Variants in ZNF143 observed in about 807,000 individuals in gnomAD.
The protein encoded by ZNF143 is zinc finger protein 143.
In ZNF143, 49 loss-of-function variants were observed where a neutral mutation model predicts 74.1. The ratio of observed to expected loss-of-function variants is 0.66; its 90% CI spans 0.53 to 0.84. The LOEUF (loss-of-function observed/expected upper bound fraction) is 0.84. Ranked by LOEUF, ZNF143 falls within the 40% of genes least tolerant of loss-of-function variation. The pLI is 0.00. For synonymous variants in ZNF143, 304 were observed against 282.8 expected (o/e 1.07, Z -0.75); for missense variants, 637 against 793.4 (o/e 0.80, Z 2.37).
intron 7 of ZNF143, among the ~76,000 whole-genome samples, chr11:9,486,452 T>TATATAATTATATATATATA (rs1565039609): frequency 5.9e-5 from 4 of 67,972 alleles, no homozygotes; most frequent in Admixed American, 2.6e-4. Context: ...ATATTATATA[T>TATATAATTATATATATATA]ATTATATATA....
intron 7 of ZNF143, among the ~76,000 whole-genome samples, chr11:9,488,319 A>G (rs1847639882): frequency 6.6e-6 from 1 of 152,218 alleles, no homozygotes; most frequent in Non-Finnish European, 1.5e-5. Flanking sequence ...CTTACTTAAA[A>G]TATTTTAATA....
chr11:9,470,333 A>G (rs1352062538), intron 1 of ZNF143, among the ~76,000 whole-genome samples: 1 of 152,260 alleles, frequency 6.6e-6, no homozygotes, highest in Non-Finnish European at 1.5e-5. Flanking sequence ...GGGGAAATAG[A>G]TAAACTAAAT....
intron 9 of ZNF143, among the ~76,000 whole-genome samples, chr11:9,496,858 A>G (rs1286360446): frequency 6.6e-6 from 1 of 151,852 alleles, no homozygotes; most frequent in Admixed American, 6.6e-5. Flanking sequence ...TCGGCCTCCC[A>G]AAATGCTGGG....
chr11:9,516,350 A>G lies in ZNF143; in HGVS notation c.1674A>G (p.Thr558=), dbSNP rs1445853410. 2 of 1,612,506 alleles carry G rather than the reference A, an allele frequency of 1.2e-6. No homozygotes were observed. Among genetic ancestry groups the G allele is most frequent in the Non-Finnish European group, 1.7e-6 (2 of 1,179,162 alleles). The change falls in exon 14 of 16, where the codon ACA becomes ACG. Residue 558 remains threonine, a synonymous_variant. Coordinates refer to ENST00000396602, the MANE Select transcript of ZNF143 (RefSeq NM_003442.6). ...HSVAMVTAEG[T]EGEQVAIVAQ... ...TTGCTATGGTTACTGCTGAGGGTAC[A>G]GAAGGGGAACAGGTAATTACTTTTT...
intron 15 of ZNF143, among the ~76,000 whole-genome samples, chr11:9,526,931 T>C (rs1849150484): frequency 6.6e-6 from 1 of 152,002 alleles, no homozygotes; most frequent in South Asian, 2.1e-4. Flanking sequence ...TTCATGCCAT[T>C]CTCCTCCCTC....
At chr11:9,478,653 AAAAC>A in intron 6 of ZNF143, 67 bp downstream of exon 6, 1 of 1,546,816 alleles carries the variant, frequency 6.5e-7, no homozygotes, top group Non-Finnish European at 8.8e-7. Context: ...AAAAGAAAAG[AAAAC>A]AAAAAAGTAC....
intron 5 of ZNF143, among the ~76,000 whole-genome samples, chr11:9,476,573 T>G (rs1437803830): frequency 6.6e-6 from 1 of 151,560 alleles, no homozygotes; most frequent in Non-Finnish European, 1.5e-5. Flanking sequence ...GGTTTCACCA[T>G]GTTGGTCAGG....
chr11:9,482,788 G>A (rs1294348785), intron 7 of ZNF143, among the ~76,000 whole-genome samples: 1 of 150,988 alleles, frequency 6.6e-6, no homozygotes, highest in Non-Finnish European at 1.5e-5. Context: ...AATATGACTA[G>A]TCCAAATTGA....
rs781049072 is a variant in ZNF143, at chr11:9,525,266, A to G, written c.1713A>G (p.Ala571=). 24 of 1,614,100 alleles carry G rather than the reference A, an allele frequency of 1.5e-5. No individual in the cohort carries two copies. Among genetic ancestry groups the G allele is most frequent in the Non-Finnish European group, 1.9e-5 (23 of 1,180,054 alleles). ...TTGCAATTGTAGCTCAAGACTTGGCAGCATTCCATACTGCCTCATCAGAAA... is the reference window on the plus strand; with the variant it reads ...TTGCAATTGTAGCTCAAGACTTGGCGGCATTCCATACTGCCTCATCAGAAA... The part of the protein sequence containing the change: ...EQVAIVAQDL[A]AFHTASSEMG... Residue 571 remains alanine (A), a synonymous_variant, in exon 15 of 16, where the codon GCA becomes GCG. Coordinates refer to ENST00000396602, the MANE Select transcript of ZNF143 (RefSeq NM_003442.6).
chr11:9,487,816 C>A (rs1165558488), intron 7 of ZNF143, among the ~76,000 whole-genome samples: 1 of 152,192 alleles, frequency 6.6e-6, no homozygotes, highest in Non-Finnish European at 1.5e-5. Flanking sequence ...ATTGCTGTTT[C>A]TTTGACAGAG....
At chr11:9,526,336 A>T (rs1339749504) in intron 15 of ZNF143, among the ~76,000 whole-genome samples, 1 of 152,188 alleles carries the variant, frequency 6.6e-6, no homozygotes, top group Non-Finnish European at 1.5e-5. Context: ...CCTGGGCAAC[A>T]GAGCGAGACC....
At chr11:9,464,485 C>T (rs1040454181) in intron 1 of ZNF143, among the ~76,000 whole-genome samples, 2 of 151,964 alleles carry the variant, frequency 1.3e-5, no homozygotes, top group African/African-American at 4.8e-5. Context: ...CCTTTAATCC[C>T]AGCTACTCGG....
intron 11 of ZNF143, among the ~76,000 whole-genome samples, chr11:9,505,517 C>T (rs573638014): frequency 1.2e-4 from 18 of 152,136 alleles, no homozygotes; most frequent in African/African-American, 3.6e-4. Context: ...TGAGCCACCA[C>T]GCCCAGCCCT....
In ZNF143 at chr11:9,479,343, T is replaced by C. The variant is rs1018890151; in HGVS notation, c.571-129T>C. The C allele has an allele frequency of 7.3e-6, 4 of 549,762 alleles. No individual in the cohort carries two copies. In the South Asian group the frequency reaches 1.0e-4, roughly 14 times the overall value. 34.1% of individuals were successfully genotyped at this position (549,762 alleles called of 1,614,324 possible). A position where few individuals can be genotyped will look rare whatever the true frequency, so the allele number is the denominator to read the frequency against. ...TTCAAATATACACAAAAATAAATGA[T>C]AATGAAGCCCCATGTACTTTTTTTT... On this transcript the variant is annotated intron_variant, in intron 6 of 15. Transcript: ENST00000396602.
chr11:9,477,113 CCCTTCCTTCCTTCCTTCCTT>C lies in ZNF143; in HGVS notation c.374-1237_374-1218del, dbSNP rs370473998. On this transcript the variant is annotated intron_variant, in intron 5 of 15. Transcript: ENST00000396602. ...AGTTGGAAAAAAGTAAAGTCTGCACCCCTTCCTTCCTTCCTTCCTTCCTTCCTTCCTTCCTTCCTTCCTTC... is the reference window on the plus strand; with the variant it reads ...AGTTGGAAAAAAGTAAAGTCTGCACCCCTTCCTTCCTTCCTTCCTTCCTTC... 1.5e-3 allele frequency among the ~76,000 whole-genome samples: 103 copies of C among 70,498 alleles called. 1 individual carries two copies. Among genetic ancestry groups the C allele is most frequent in the Middle Eastern group, 5.4e-3 (1 of 184 alleles). 46.2% of individuals were successfully genotyped at this position (70,498 alleles called of 152,430 possible).
At chr11:9,502,406 G>A (rs1353489455) in intron 11 of ZNF143, among the ~76,000 whole-genome samples, 2 of 149,864 alleles carry the variant, frequency 1.3e-5, no homozygotes, top group East Asian at 2.0e-4. Flanking sequence ...TCAGGATATC[G>A]AGACCATCCT....
intron 3 of ZNF143, among the ~76,000 whole-genome samples, chr11:9,473,218 G>A (rs150888934): frequency 1.2e-3 from 186 of 151,790 alleles, no homozygotes; most frequent in African/African-American, 3.7e-3. Context: ...TGGAGAAACC[G>A]TTTTCTGTAA....
intron 9 of ZNF143, among the ~76,000 whole-genome samples, chr11:9,496,857 C>T (rs530442103): frequency 5.8e-4 from 88 of 152,278 alleles, no homozygotes; most frequent in African/African-American, 2.0e-3. Flanking sequence ...CTCGGCCTCC[C>T]AAAATGCTGG....
intron 7 of ZNF143, among the ~76,000 whole-genome samples, chr11:9,482,891 T>G (rs1377520637): frequency 6.6e-6 from 1 of 151,588 alleles, no homozygotes; most frequent in Admixed American, 6.6e-5. Context: ...AAATGATATT[T>G]TGGACATATT....
Sources: allele counts gnomAD v4.1 joint callset (sites outside exome capture counted in the v4.1 genomes callset), GRCh38; gene constraint gnomAD v4.1.1; transcripts MANE v1.5; gene names NCBI Gene and HGNC (gene_info 2026-07-23, HGNC 2026-07-21).